MYCN: variants seen among roughly 807,000 people sequenced by gnomAD.
MYCN encodes the protein MYCN proto-oncogene, bHLH transcription factor.
In MYCN, 3 loss-of-function variants were observed where a neutral mutation model predicts 28.1. That is an observed-to-expected ratio of 0.11 (90% confidence interval 0.05 to 0.28). The LOEUF (loss-of-function observed/expected upper bound fraction) is 0.28. Ranked by LOEUF, MYCN falls within the 10% of genes least tolerant of loss-of-function variation. The pLI is 1.00. For synonymous variants in MYCN, 326 were observed against 288.3 expected, an observed-to-expected ratio of 1.13 and a Z score of -1.32; for missense variants, 572 against 651.4, an observed-to-expected ratio of 0.88 and a Z score of 1.33.
rs1261680689 is a variant in MYCN at position 15,940,608 on chromosome 2, T to G, written c.-253T>G. ...GTGGATGCGGGGGGCTCCTGGGAAC[T>G]GTGTTGGAGCCGAGCAAGCGCTAGC... is the stretch of plus-strand genomic sequence containing the variant. On this transcript the variant is annotated 5_prime_UTR_variant, in exon 1 of 3. Transcript: ENST00000281043. 2.5e-6 allele frequency: 1 copy of G among 400,274 alleles called. No homozygotes were observed. The highest frequency in any genetic ancestry group is 4.4e-6 in the Non-Finnish European group (1 of 226,248). 24.8% of individuals were successfully genotyped at this position (400,274 alleles called of 1,614,324 possible).
chr2:15,940,785 C>G, intron 1 of MYCN, 42 bp downstream of exon 1: 1 of 398,392 alleles, frequency 2.5e-6, no homozygotes, highest in Admixed American at 4.4e-5. Context: ...CCCAGGGAAG[C>G]GACGAGCGCC....
rs745328158 is a variant in MYCN at position 15,945,503 on chromosome 2, T to TGATGAAGAGGAA, written c.816_827dup (p.Asp272_Glu275dup). ...GCATCTTTCTCTCAGATGATGAAGA[T>TGATGAAGAGGAA]GATGAAGAGGAAGATGAAGAGGAAG... On this transcript the variant is annotated inframe_insertion, in exon 3 of 3. Transcript: ENST00000281043. The surrounding 1 kb of genome is among the most constrained non-coding windows in gnomAD (Gnocchi z 4.8). The TGATGAAGAGGAA allele has an allele frequency of 3.1e-6, 5 of 1,608,894 alleles. No homozygotes were observed. The South Asian group carries it at 3.3e-5, about 11-fold the overall frequency.
rs1558533459 is a variant in MYCN, at chr2:15,942,053, G to GGAGGC, written c.-8_-4dup. On this transcript the variant is annotated 5_prime_UTR_variant, in exon 2 of 3. Coordinates refer to ENST00000281043, the MANE Select transcript of MYCN (RefSeq NM_005378.6). The surrounding 1 kb of genome is among the most constrained non-coding windows in gnomAD (Gnocchi z 7.0). The stretch of plus-strand genomic sequence containing the variant: ...GAAAGAAGCCCTCAGTCGCCGGCCG[G>GGAGGC]GAGGCGAGCCGATGCCGAGCTGCTC... 6.2e-7 allele frequency: 1 copy of GGAGGC among 1,613,320 alleles called. No individual in the cohort carries two copies. The highest frequency in any genetic ancestry group is 1.1e-5 in the South Asian group (1 of 91,068).
Position 15,942,211 on chromosome 2 carries a change from C to A in MYCN, c.147C>A (p.Ile49=). ...GPDSTPPGED[I]WKKFELLPTP... is the part of the protein sequence containing the mutation. ...ACTCGACCCCCCCGGGGGAGGACAT[C>A]TGGAAGAAGTTTGAGCTGCTGCCCA... The change falls in exon 2 of 3, where the codon ATC becomes ATA. Residue 49 remains isoleucine, a synonymous_variant. Coordinates refer to ENST00000281043, the MANE Select transcript of MYCN (RefSeq NM_005378.6). The surrounding 1 kb of genome is among the most constrained non-coding windows in gnomAD (Gnocchi z 7.0). The A allele has an allele frequency of 1.2e-6, 2 of 1,613,506 alleles. No individual in the cohort carries two copies. The highest frequency in any genetic ancestry group is 1.7e-6 in the Non-Finnish European group (2 of 1,179,972).
chr2:15,941,840 G>A lies in MYCN; in HGVS notation c.-117-108G>A. ...ACCTTCGGGAGCAGTGGGCAGAGTG[G>A]GGGGCTTGGAGGGAAGATTGGGGAA... On this transcript the variant is annotated intron_variant, in intron 1 of 2. Coordinates refer to ENST00000281043, the MANE Select transcript of MYCN (RefSeq NM_005378.6). The surrounding 1 kb of genome is among the most constrained non-coding windows in gnomAD (Gnocchi z 4.8). 1.7e-6 allele frequency: 1 copy of A among 605,938 alleles called. No individual in the cohort carries two copies. Among genetic ancestry groups the A allele is most frequent in the Non-Finnish European group, 2.9e-6 (1 of 341,540 alleles). 37.5% of individuals were successfully genotyped at this position (605,938 alleles called of 1,614,324 possible).
intron 2 of MYCN, among the ~76,000 whole-genome samples, chr2:15,943,465 C>G (rs1662774282): frequency 7.0e-6 from 1 of 142,152 alleles, no homozygotes; most frequent in Non-Finnish European, 1.5e-5. Context: ...GGGTGGTGGG[C>G]TATTTGCTCC....
At chr2:15,944,037 A>AGCCTCCAGTTTGG (rs1662792546) in intron 2 of MYCN, among the ~76,000 whole-genome samples, 1 of 152,146 alleles carries the variant, frequency 6.6e-6, no homozygotes, top group South Asian at 2.1e-4. Flanking sequence ...AAACTTGGTG[A>AGCCTCCAGTTTGG]TAAGCCTCCA....
rs760848356 is a variant in MYCN, at chr2:15,942,882, C to T, written c.790+28C>T. ...AAAGACCGAACTCGGGTCCGGCTGC[C>T]TCCCTGGGGCACTGGACCCCGGGTC... On this transcript the variant is annotated intron_variant, in intron 2 of 2. Coordinates refer to ENST00000281043, the MANE Select transcript of MYCN (RefSeq NM_005378.6). This position sits in a 1 kb window ranked among gnomAD's most constrained non-coding sequence, Gnocchi z 7.0. The T allele has an allele frequency of 1.3e-5, 21 of 1,567,338 alleles. No individual in the cohort carries two copies. The highest frequency in any genetic ancestry group is 1.7e-5 in the Admixed American group (1 of 57,772).
Position 15,941,935 on chromosome 2 carries a change from C to G in MYCN, c.-117-13C>G. 1 of 1,160,940 alleles carries G rather than the reference C, an allele frequency of 8.6e-7. No homozygotes were observed. The highest frequency in any genetic ancestry group is 1.2e-6 in the Non-Finnish European group (1 of 808,890). 71.9% of individuals were successfully genotyped at this position (1,160,940 alleles called of 1,614,324 possible). ...CGTTTGCCCACCCTCTCCGGTGTGT[C>G]TGTCGGTTGCAGTGTTGGAGGTCGG... On this transcript the variant is annotated splice_polypyrimidine_tract_variant and intron_variant, in intron 1 of 2. Coordinates refer to ENST00000281043, the MANE Select transcript of MYCN (RefSeq NM_005378.6). This position sits in a 1 kb window ranked among gnomAD's most constrained non-coding sequence, Gnocchi z 4.8.
At position 15,941,689 on chromosome 2, in the gene MYCN, G is replaced by GT; in HGVS notation, c.-117-256dup. The GT allele has an allele frequency of 5.3e-6, 2 of 378,112 alleles. No individual in the cohort carries two copies. Among genetic ancestry groups the GT allele is most frequent in the East Asian group, 5.0e-5 (1 of 19,930 alleles). 23.4% of individuals were successfully genotyped at this position (378,112 alleles called of 1,614,324 possible). On this transcript the variant is annotated intron_variant, in intron 1 of 2. Coordinates refer to ENST00000281043, the MANE Select transcript of MYCN (RefSeq NM_005378.6). The surrounding 1 kb of genome is among the most constrained non-coding windows in gnomAD (Gnocchi z 4.8). ...AGTGCCTTGTGTGAATGAAATGGCA[G>GT]TTTCCAAAGTTGCGGAGCCTCGCCA...
rs1662856733 is a variant in MYCN at position 15,945,873 on chromosome 2, C to T, written c.1171C>T (p.Arg391Cys). The T allele has an allele frequency of 6.2e-7, 1 of 1,614,084 alleles. No individual in the cohort carries two copies. The highest frequency in any genetic ancestry group is 8.5e-7 in the Non-Finnish European group (1 of 1,180,036). Residue 391 changes from arginine to cysteine, a missense_variant, in exon 3 of 3, where the codon CGC (arginine) becomes TGC (cysteine). Transcript: ENST00000281043. The surrounding 1 kb of genome is among the most constrained non-coding windows in gnomAD (Gnocchi z 4.8). ...ERRRNHNILE[R>C]QRRNDLRSSF... ...TCGCAGAAACCACAACATCCTGGAG[C>T]GCCAGCGCCGCAACGACCTTCGGTC...
rs2103325176 is a variant in MYCN, at chr2:15,942,551, G to C, written c.487G>C (p.Gly163Arg). ...CGCCAGCCCTGCGGGTCGCGGGCAC[G>C]GCGGGGCTGCGGGAGCCGGCCGCGC... Reference protein sequence around the residue: ...GAASPAGRGHGGAAGAGRAGA... With the variant: ...GAASPAGRGHRGAAGAGRAGA... The change falls in exon 2 of 3, where the codon GGC (glycine) becomes CGC (arginine). Residue 163 changes from glycine to arginine, a missense_variant. This residue lies in a region of MYCN where 499 missense variants were observed against 524.3 expected (regional missense o/e 0.95). Transcript: ENST00000281043. The surrounding 1 kb of genome is among the most constrained non-coding windows in gnomAD (Gnocchi z 7.0). 8.3e-7 allele frequency: 1 copy of C among 1,204,352 alleles called. No homozygotes were observed. Among genetic ancestry groups the C allele is most frequent in the African/African-American group, 1.6e-5 (1 of 62,748 alleles). The allele number at this position is 1,204,352 out of a possible 1,614,324, so 74.6% of individuals were successfully genotyped here.
chr2:15,944,494 T>C (rs1662807570), intron 2 of MYCN, among the ~76,000 whole-genome samples: 1 of 152,230 alleles, frequency 6.6e-6, no homozygotes, highest in Admixed American at 6.5e-5. Flanking sequence ...AACTCAGGTT[T>C]GTGGACGAAA....
chr2:15,940,927 G>A, intron 1 of MYCN, 184 bp downstream of exon 1: 3 of 396,542 alleles, frequency 7.6e-6, no homozygotes, highest in Non-Finnish European at 8.9e-6. Flanking sequence ...AGCCCCGAAG[G>A]CATCCTGGCT....
chr2:15,941,922 C>A lies in MYCN; in HGVS notation c.-117-26C>A. The A allele has an allele frequency of 9.5e-7, 1 of 1,053,388 alleles. No individual in the cohort carries two copies. Among genetic ancestry groups the A allele is most frequent in the Non-Finnish European group, 1.4e-6 (1 of 717,926 alleles). The allele number at this position is 1,053,388 out of a possible 1,614,324, so 65.3% of individuals were successfully genotyped here. On this transcript the variant is annotated intron_variant, in intron 1 of 2. Transcript: ENST00000281043. This position sits in a 1 kb window ranked among gnomAD's most constrained non-coding sequence, Gnocchi z 4.8. ...CCTCGGTCTGCCCCGTTTGCCCACC[C>A]TCTCCGGTGTGTCTGTCGGTTGCAG...
Position 15,943,053 on chromosome 2 carries a change from T to C in MYCN, c.790+199T>C, listed in dbSNP as rs534378915. 3.4e-4 allele frequency among the ~76,000 whole-genome samples: 52 copies of C among 152,308 alleles called. 2 individuals carry two copies. In the South Asian group the frequency reaches 0.011, roughly 32 times the overall value. On this transcript the variant is annotated intron_variant, in intron 2 of 2. Transcript: ENST00000281043. ...GAATGCCGTTGCAAAAGGGGTGCTC[T>C]CCAATTCTCGCCTTCACTAAAGTTC... is the stretch of plus-strand genomic sequence containing the variant.
Position 15,942,312 on chromosome 2 carries a change from T to G in MYCN, c.248T>G (p.Leu83Arg). 2 of 1,609,542 alleles carry G rather than the reference T, an allele frequency of 1.2e-6. No individual in the cohort carries two copies. The highest frequency in any genetic ancestry group is 1.7e-6 in the Non-Finnish European group (2 of 1,178,584). The change falls in exon 2 of 3, where the codon CTT becomes CGT. Residue 83 changes from leucine (L) to arginine (R), a missense_variant. Coordinates refer to ENST00000281043, the MANE Select transcript of MYCN (RefSeq NM_005378.6). The surrounding 1 kb of genome is among the most constrained non-coding windows in gnomAD (Gnocchi z 7.0). ...EPPSWVTEMLLENELWGSPAE... is the reference protein window; with the variant it reads ...EPPSWVTEMLRENELWGSPAE... Reference sequence around the variant, plus strand: ...CCGAGCTGGGTCACGGAGATGCTGCTTGAGAACGAGCTGTGGGGCAGCCCG... The same window carrying G: ...CCGAGCTGGGTCACGGAGATGCTGCGTGAGAACGAGCTGTGGGGCAGCCCG...
In MYCN at chr2:15,942,482, C is replaced by A; in HGVS notation, c.418C>A (p.Pro140Thr). 1.3e-6 allele frequency: 2 copies of A among 1,553,182 alleles called. No homozygotes were observed. Among genetic ancestry groups the A allele is most frequent in the Non-Finnish European group, 1.7e-6 (2 of 1,154,554 alleles). The change falls in exon 2 of 3, where the codon CCG becomes ACG. Residue 140 changes from proline (P) to threonine (T), a missense_variant. Pro to Thr is a conservative substitution (Grantham distance 38). Around this residue, in one of 3 missense-constraint regions of MYCN, gnomAD observed 499 missense variants for 524.3 expected, o/e 0.95. Transcript: ENST00000281043. This position sits in a 1 kb window ranked among gnomAD's most constrained non-coding sequence, Gnocchi z 7.0. Reference protein sequence around the residue: ...VSEKLQHGRGPPTAGSTAQSP... With the variant: ...VSEKLQHGRGTPTAGSTAQSP... ...CGAGAAGCTGCAGCACGGCCGCGGGCCGCCAACCGCCGGTTCCACCGCCCA... is the reference window on the plus strand; with the variant it reads ...CGAGAAGCTGCAGCACGGCCGCGGGACGCCAACCGCCGGTTCCACCGCCCA...
In MYCN at chr2:15,942,718, G is replaced by C. The variant is rs1165373854; in HGVS notation, c.654G>C (p.Ala218=). 8 of 1,202,892 alleles carry C rather than the reference G, an allele frequency of 6.7e-6. No homozygotes were observed. The highest frequency in any genetic ancestry group is 8.2e-6 in the Non-Finnish European group (8 of 972,354). 74.5% of individuals were successfully genotyped at this position (1,202,892 alleles called of 1,614,324 possible). A position where few individuals can be genotyped will look rare whatever the true frequency, so the allele number is the denominator to read the frequency against. The change falls in exon 2 of 3, where the codon GCG becomes GCC. Residue 218 remains alanine (A), a synonymous_variant. Coordinates refer to ENST00000281043, the MANE Select transcript of MYCN (RefSeq NM_005378.6). The surrounding 1 kb of genome is among the most constrained non-coding windows in gnomAD (Gnocchi z 7.0). Reference sequence around the variant, plus strand: ...CCAGTGCCCCGGCGGCGGGCCCTGCGGTCGCCTCGGGGGCGGGTATTGCCG... The same window carrying C: ...CCAGTGCCCCGGCGGCGGGCCCTGCCGTCGCCTCGGGGGCGGGTATTGCCG... ...APASAPAAGP[A]VASGAGIAAP...
Sources: allele counts gnomAD v4.1 joint callset (sites outside exome capture counted in the v4.1 genomes callset), GRCh38; gene constraint gnomAD v4.1.1; regional missense constraint gnomAD v4.1.1; non-coding constraint Gnocchi (gnomAD v3.1); transcripts MANE v1.5; gene names NCBI Gene and HGNC (gene_info 2026-07-23, HGNC 2026-07-21).